UST: variants seen among roughly 807,000 people sequenced by gnomAD.
The protein encoded by UST is uronyl 2-sulfotransferase.
Under a neutral mutation model 45.6 loss-of-function variants are expected in UST, and 21 were observed. The ratio of observed to expected loss-of-function variants is 0.46; its 90% CI spans 0.33 to 0.66. UST has a LOEUF of 0.66. Ranked by LOEUF, UST falls within the 30% of genes least tolerant of loss-of-function variation. The pLI is 0.02. For missense variants in UST, 463 were observed against 512.4 expected (o/e 0.90, Z 0.93); for synonymous variants, 215 against 200.6 (o/e 1.07, Z -0.61).
At chr6:148,808,428 G>C (rs533699219) in intron 1 of UST, among the ~76,000 whole-genome samples, 1 of 151,902 alleles carries the variant, frequency 6.6e-6, no homozygotes, top group Admixed American at 6.6e-5. Flanking sequence ...CTGCTTGTGA[G>C]GGGGGTGGGC....
chr6:149,014,707 A>G (rs1413679054), intron 5 of UST, among the ~76,000 whole-genome samples: 1 of 152,176 alleles, frequency 6.6e-6, no homozygotes, highest in African/African-American at 2.4e-5. Context: ...GTGGCAAGGG[A>G]GAGGAAGAGC....
intron 7 of UST, among the ~76,000 whole-genome samples, chr6:149,062,636 C>A (rs565974254): frequency 3.3e-5 from 5 of 152,286 alleles, no homozygotes; most frequent in African/African-American, 1.2e-4. Context: ...AGAATACACA[C>A]AGGGCAAGGA....
chr6:149,063,896 C>A (rs1012110212), intron 7 of UST, among the ~76,000 whole-genome samples: 5 of 152,156 alleles, frequency 3.3e-5, no homozygotes, highest in African/African-American at 1.2e-4. Context: ...AGAATAAAAT[C>A]TAGAGAAAAT....
intron 5 of UST, among the ~76,000 whole-genome samples, chr6:149,002,982 T>C (rs1037910220): frequency 2.0e-5 from 3 of 152,226 alleles, no homozygotes; most frequent in African/African-American, 7.2e-5. Context: ...GTGCTTACTG[T>C]GATGCCTTAT....
chr6:148,759,550 A>T (rs1162607255), intron 1 of UST, among the ~76,000 whole-genome samples: 1 of 146,964 alleles, frequency 6.8e-6, no homozygotes, highest in Non-Finnish European at 1.5e-5. Context: ...AAATAAAAAT[A>T]AAAAAATAAA....
chr6:149,023,121 T>G (rs1036340366), intron 7 of UST, among the ~76,000 whole-genome samples: 1 of 149,842 alleles, frequency 6.7e-6, no homozygotes, highest in African/African-American at 2.5e-5. Flanking sequence ...TGTGTGTGTG[T>G]GTGTGTGTGT....
intron 1 of UST, among the ~76,000 whole-genome samples, chr6:148,784,577 C>T (rs1057512234): frequency 2.0e-5 from 3 of 152,116 alleles, no homozygotes; most frequent in African/African-American, 7.2e-5. Context: ...GATTTGGTGG[C>T]AATCAGAGTA....
intron 1 of UST, among the ~76,000 whole-genome samples, chr6:148,869,285 G>C (rs1227886592): frequency 6.6e-6 from 1 of 152,144 alleles, no homozygotes; most frequent in Non-Finnish European, 1.5e-5. Context: ...CAAAATTATA[G>C]TTCTGTGAAC....
intron 5 of UST, among the ~76,000 whole-genome samples, chr6:149,014,721 G>C (rs1347832721): frequency 6.6e-6 from 1 of 152,170 alleles, no homozygotes; most frequent in Non-Finnish European, 1.5e-5. Context: ...GAAGAGCAAA[G>C]GCATGAGATG....
chr6:148,923,247 C>A (rs759437666), intron 2 of UST, among the ~76,000 whole-genome samples: 1 of 152,156 alleles, frequency 6.6e-6, no homozygotes, highest in Non-Finnish European at 1.5e-5. Flanking sequence ...AATGCTTCTA[C>A]GAATATTTCA....
chr6:149,021,318 A>T lies in UST; in HGVS notation c.780-6A>T. 1 of 1,603,516 alleles carries T rather than the reference A, an allele frequency of 6.2e-7. No homozygotes were observed. The highest frequency in any genetic ancestry group is 8.5e-7 in the Non-Finnish European group (1 of 1,174,496). ...TGATTTTAAATAAATTTTTATATCC[A>T]TAAAGGGAGCCTGGTGAATGGGCCC... On this transcript the variant is annotated splice_region_variant and splice_polypyrimidine_tract_variant and intron_variant, in intron 6 of 7. Transcript: ENST00000367463.
intron 1 of UST, among the ~76,000 whole-genome samples, chr6:148,752,172 G>A (rs1026149090): frequency 2.6e-5 from 4 of 152,162 alleles, no homozygotes; most frequent in Non-Finnish European, 4.4e-5. Context: ...AGTATGTCAT[G>A]TTATTGAATT....
At chr6:148,891,053 A>T (rs1279252732) in intron 2 of UST, among the ~76,000 whole-genome samples, 1 of 152,210 alleles carries the variant, frequency 6.6e-6, no homozygotes, top group Non-Finnish European at 1.5e-5. Flanking sequence ...GGAAGCTTCT[A>T]CCCAGTTCCT....
At chr6:149,043,015 C>CTTTCTTTCTTTCTTTCTTTCTTTCTT (rs770670199) in intron 7 of UST, among the ~76,000 whole-genome samples, 3 of 119,722 alleles carry the variant, frequency 2.5e-5, no homozygotes, top group African/African-American at 7.4e-5. Context: ...TTCTTTCTTT[C>CTTTCTTTCTTTCTTTCTTTCTTTCTT]TTTCTTTTTC....
intron 1 of UST, among the ~76,000 whole-genome samples, chr6:148,766,368 T>TCACCCACTTGCTCTCACCCACG (rs1393377811): frequency 9.3e-5 from 14 of 150,414 alleles, no homozygotes; most frequent in Non-Finnish European, 1.8e-4. Flanking sequence ...TCTCACCCAC[T>TCACCCACTTGCTCTCACCCACG]CACCCACTTG....
chr6:148,964,503 G>A lies in UST; in HGVS notation c.621G>A (p.Trp207Ter). ...SNYFFRRFGD[W>*]RGEQNHMIRT... ...ATTTTTTCCGTCGCTTTGGAGACTG[G>A]AGAGGGGAACAAAATCACATGATCC... Residue 207 changes from tryptophan to a stop codon, truncating the protein, a stop_gained, in exon 5 of 8, where the codon TGG (tryptophan) becomes TGA (stop). Coordinates refer to ENST00000367463, the MANE Select transcript of UST (RefSeq NM_005715.3). LOFTEE classifies it high-confidence loss of function. 7 of 1,614,182 alleles carry A rather than the reference G, an allele frequency of 4.3e-6. No homozygotes were observed. The highest frequency in any genetic ancestry group is 5.9e-6 in the Non-Finnish European group (7 of 1,180,038).
chr6:149,036,437 A>G (rs1225124939), intron 7 of UST, among the ~76,000 whole-genome samples: 1 of 152,214 alleles, frequency 6.6e-6, no homozygotes, highest in East Asian at 1.9e-4. Context: ...CTTCTCCAGC[A>G]TTTTATCCAT....
intron 1 of UST, 38 bp from the exon 2 acceptor site, chr6:148,886,948 A>T: frequency 1.3e-6 from 2 of 1,579,686 alleles, no homozygotes; most frequent in Non-Finnish European, 1.7e-6. Context: ...TTTGGGATTT[A>T]AAAAACGGAT....
intron 1 of UST, among the ~76,000 whole-genome samples, chr6:148,791,953 A>C (rs1235379787): frequency 2.0e-5 from 3 of 152,160 alleles, no homozygotes; most frequent in African/African-American, 7.2e-5. Flanking sequence ...AGGAAACTCA[A>C]ATGGAAACCC....
Sources: gnomAD v4.1 joint callset for allele counts (sites outside exome capture counted in the v4.1 genomes callset) on GRCh38, gnomAD v4.1.1 for gene constraint, MANE v1.5 for transcripts, NCBI Gene and HGNC (gene_info 2026-07-23, HGNC 2026-07-21) for gene names.